The following ZSCAN12 variants were observed in gnomAD, a reference collection of about 807,000 sequenced individuals.
ZSCAN12 encodes zinc finger and SCAN domain containing 12, also known as zinc finger and SCAN domain-containing protein 12.
Under a neutral mutation model 23.4 loss-of-function variants are expected in ZSCAN12, and 18 were observed. The ratio of observed to expected loss-of-function variants is 0.77; its 90% confidence interval spans 0.53 to 1.14. The LOEUF is 1.14. Among genes scored for constraint, ZSCAN12 ranks in the 50% most tolerant of loss-of-function variants. The probability of loss-of-function intolerance (pLI) is 0.00; values close to 1 mark genes in which losing one functional copy is unlikely to be tolerated. For synonymous variants in ZSCAN12, 186 were observed against 253.4 expected (o/e 0.73, Z 2.53); for missense variants, 650 against 735.0 (o/e 0.88, Z 1.34).
chr6:28,387,111 CACTG>C lies in ZSCAN12; in HGVS notation c.*3339_*3342del, dbSNP rs1234724698. On this transcript the variant is annotated 3_prime_UTR_variant, in exon 4 of 4. Coordinates refer to ENST00000684592, the MANE Select transcript of ZSCAN12 (RefSeq NM_001163391.2). ...AAGTGCTGGGATTATAAGTGTGAGCCACTGCACCCAGCCTCCACATTTATTTTTA... is the reference window on the plus strand; with the variant it reads ...AAGTGCTGGGATTATAAGTGTGAGCCCACCCAGCCTCCACATTTATTTTTA... Among the ~76,000 whole-genome samples the C allele has an allele frequency of 6.6e-6, 1 of 152,172 alleles. No individual in the cohort carries two copies. Among genetic ancestry groups the C allele is most frequent in the Non-Finnish European group, 1.5e-5 (1 of 68,036 alleles).
chr6:28,379,892 TATGAG>T (rs1048612516), downstream of ZSCAN12: 10 of 152,226 alleles, frequency 6.6e-5, no homozygotes, highest in African/African-American at 1.7e-4. Flanking sequence ...GAATTAAAGA[TATGAG>T]ATGAGACTAG....
chr6:28,386,585 C>T lies in ZSCAN12; in HGVS notation c.*3869G>A, dbSNP rs1760552559. 6.6e-6 allele frequency among the ~76,000 whole-genome samples: 1 copy of T among 152,224 alleles called. No homozygotes were observed. Among genetic ancestry groups the T allele is most frequent in the South Asian group, 2.1e-4 (1 of 4,830 alleles). ...CACTGCATTCCCTAATGTAGCACTC[C>T]TATTCCATATCTAACATGTCACATC... On this transcript the variant is annotated 3_prime_UTR_variant, in exon 4 of 4. Transcript: ENST00000684592.
chr6:28,382,281 G>A, downstream of ZSCAN12: 1 of 621,220 alleles, frequency 1.6e-6, no homozygotes, highest in Non-Finnish European at 2.4e-6. Context: ...TACTGGCAAA[G>A]CTTCCTAAGT....
intron 2 of ZSCAN12, among the ~76,000 whole-genome samples, chr6:28,396,520 T>C (rs186262592): frequency 1.3e-5 from 2 of 152,298 alleles, no homozygotes; most frequent in Admixed American, 1.3e-4. Context: ...AGCTAATCTG[T>C]CATCACTTCC....
chr6:28,393,910 C>A (rs1418255592), intron 2 of ZSCAN12, among the ~76,000 whole-genome samples: 1 of 152,120 alleles, frequency 6.6e-6, no homozygotes, highest in Non-Finnish European at 1.5e-5. Context: ...TTCTATTTAT[C>A]CAAGATCACA....
At chr6:28,392,118 G>A (rs773961308) in intron 3 of ZSCAN12, among the ~76,000 whole-genome samples, 3 of 151,798 alleles carry the variant, frequency 2.0e-5, no homozygotes, top group South Asian at 2.1e-4. Flanking sequence ...ATAAGGTAGC[G>A]GATCTTTCAC....
downstream of ZSCAN12, among the ~76,000 whole-genome samples, chr6:28,383,104 CAA>C (rs1297629232): frequency 6.7e-6 from 1 of 150,024 alleles, no homozygotes; most frequent in Non-Finnish European, 1.5e-5. Flanking sequence ...GTAATTTGCT[CAA>C]AGTCACACAA....
chr6:28,392,560 CTTAT>C (rs1760900707), intron 3 of ZSCAN12, among the ~76,000 whole-genome samples: 1 of 151,868 alleles, frequency 6.6e-6, no homozygotes, highest in Non-Finnish European at 1.5e-5. Flanking sequence ...GGAGCAAAGG[CTTAT>C]TTAGTGAAGC....
chr6:28,389,651 AG>A lies in ZSCAN12; in HGVS notation c.*802del, dbSNP rs1220108200. 1.3e-5 allele frequency among the ~76,000 whole-genome samples: 2 copies of A among 152,218 alleles called. No homozygotes were observed. Among genetic ancestry groups the A allele is most frequent in the East Asian group, 1.9e-4 (1 of 5,194 alleles). ...TGATTTTGATGTTCATCAAAGTTGGAGGATCACTAGAGTAATGGCCAGGACT... is the reference window on the plus strand; with the variant it reads ...TGATTTTGATGTTCATCAAAGTTGGAGATCACTAGAGTAATGGCCAGGACT... On this transcript the variant is annotated 3_prime_UTR_variant, in exon 4 of 4. Transcript: ENST00000684592.
chr6:28,390,872 AC>A lies in ZSCAN12; in HGVS notation c.1417del (p.Val473TyrfsTer153). Reference protein sequence around the residue: ...HTGEKPYKCDVCEKAFIQRTS... With the variant: ...HTGEKPYKCDXCEKAFIQRTS... ...CCTTTGAATAAAGGCTTTTTCACATACGTCACATTTGTAGGGTTTTTCCCCA... is the reference window on the plus strand; with the variant it reads ...CCTTTGAATAAAGGCTTTTTCACATAGTCACATTTGTAGGGTTTTTCCCCA... On this transcript the variant is annotated frameshift_variant, in exon 4 of 4. Coordinates refer to ENST00000684592, the MANE Select transcript of ZSCAN12 (RefSeq NM_001163391.2). LOFTEE classifies it low-confidence loss of function (END_TRUNC). The A allele has an allele frequency of 6.3e-7, 1 of 1,575,488 alleles. No homozygotes were observed. The highest frequency in any genetic ancestry group is 8.6e-7 in the Non-Finnish European group (1 of 1,160,138).
At chr6:28,392,868 C>T (rs1287170019) in intron 3 of ZSCAN12, 34 bp downstream of exon 3, 2 of 1,549,918 alleles carry the variant, frequency 1.3e-6, no homozygotes, top group Non-Finnish European at 1.7e-6. Flanking sequence ...TACCCATCTT[C>T]CCCTTCCTCC....
chr6:28,395,347 C>T lies in ZSCAN12; in HGVS notation c.403-2301G>A, dbSNP rs541525277. On this transcript the variant is annotated intron_variant, in intron 2 of 3. Coordinates refer to ENST00000684592, the MANE Select transcript of ZSCAN12 (RefSeq NM_001163391.2). ...TATCTGATGTTCAGACCAAATACTTCGGCATAATCCTTAACTTACTTTCTC... is the reference window on the plus strand; with the variant it reads ...TATCTGATGTTCAGACCAAATACTTTGGCATAATCCTTAACTTACTTTCTC... 7.2e-5 allele frequency among the ~76,000 whole-genome samples: 11 copies of T among 152,278 alleles called. No homozygotes were observed. In the South Asian group the frequency reaches 8.3e-4, roughly 11 times the overall value.
Position 28,386,392 on chromosome 6 carries a change from G to A in ZSCAN12, c.*4062C>T, listed in dbSNP as rs371871735. On this transcript the variant is annotated 3_prime_UTR_variant, in exon 4 of 4. Transcript: ENST00000684592. ...GTTATTTCTACCTTGGACCTGCTTC[G>A]CTTTTATATTCTTCGTTTCCATCCC... Among the ~76,000 whole-genome samples, 22 of 152,210 alleles carry A rather than the reference G, an allele frequency of 1.4e-4. No homozygotes were observed. The highest frequency in any genetic ancestry group is 1.2e-3 in the East Asian group (6 of 5,180).
chr6:28,379,980 A>G (rs1760148489), downstream of ZSCAN12: 2 of 152,208 alleles, frequency 1.3e-5, no homozygotes, highest in African/African-American at 4.8e-5. Context: ...ACAAATCCAG[A>G]GATGCAACTT....
chr6:28,395,300 T>C (rs1761049170), intron 2 of ZSCAN12, among the ~76,000 whole-genome samples: 1 of 152,096 alleles, frequency 6.6e-6, no homozygotes, highest in African/African-American at 2.4e-5. Context: ...CTTTACCATC[T>C]CTATGAATGA....
intron 2 of ZSCAN12, among the ~76,000 whole-genome samples, chr6:28,394,973 C>T (rs186285135): frequency 1.1e-4 from 17 of 152,032 alleles, no homozygotes; most frequent in Non-Finnish European, 2.9e-5. Flanking sequence ...CTCACTCTGT[C>T]GTCCAGGCTG....
chr6:28,395,744 A>C (rs1351470928), intron 2 of ZSCAN12, among the ~76,000 whole-genome samples: 5 of 152,132 alleles, frequency 3.3e-5, no homozygotes, highest in African/African-American at 1.2e-4. Context: ...TAAGCATTTT[A>C]TTTCATCTCC....
In ZSCAN12 at chr6:28,391,838, G is replaced by T; in HGVS notation, c.548-96C>A. 9.4e-7 allele frequency: 1 copy of T among 1,060,134 alleles called. No homozygotes were observed. The highest frequency in any genetic ancestry group is 1.3e-6 in the Non-Finnish European group (1 of 764,572). 65.7% of individuals were successfully genotyped at this position (1,060,134 alleles called of 1,614,324 possible). A position where few individuals can be genotyped will look rare whatever the true frequency, so the allele number is the denominator to read the frequency against. ...CTGTTTAGAAATAAAAAATGCAAGAGTCTACCATCTTAGTGATAAAGAGAG... is the reference window on the plus strand; with the variant it reads ...CTGTTTAGAAATAAAAAATGCAAGATTCTACCATCTTAGTGATAAAGAGAG... On this transcript the variant is annotated intron_variant, in intron 3 of 3. Transcript: ENST00000684592. This position sits in a 1 kb window ranked among gnomAD's most constrained non-coding sequence, Gnocchi z 4.1.
chr6:28,384,368 T>C (rs374840694), downstream of ZSCAN12, among the ~76,000 whole-genome samples: 68 of 152,274 alleles, frequency 4.5e-4, no homozygotes, highest in Admixed American at 1.2e-3. Context: ...GCTTCCACTA[T>C]GGAGCCCTTC....
Sources: gnomAD v4.1 joint callset for allele counts (sites outside exome capture counted in the v4.1 genomes callset) on GRCh38, gnomAD v4.1.1 for gene constraint, Gnocchi (gnomAD v3.1) non-coding constraint, MANE v1.5 for transcripts, NCBI Gene and HGNC (gene_info 2026-07-23, HGNC 2026-07-21) for gene names.